RECQL5: variants seen among roughly 807,000 people sequenced by gnomAD.
RECQL5 encodes RecQ like helicase 5, also known as ATP-dependent DNA helicase Q5.
Under a neutral mutation model 103.4 loss-of-function variants are expected in RECQL5, and 88 were observed. The ratio of observed to expected loss-of-function variants is 0.85; its 90% CI spans 0.72 to 1.02. RECQL5 has a LOEUF of 1.02. Among genes scored for constraint, RECQL5 ranks in the 50% least tolerant of loss-of-function variants. The pLI, the probability that RECQL5 is intolerant of heterozygous loss-of-function variation, is 0.00. For synonymous variants in RECQL5, 552 were observed against 507.9 expected, an observed-to-expected ratio of 1.09 and a Z score of -1.17; for missense variants, 1,232 against 1,284.3, an observed-to-expected ratio of 0.96 and a Z score of 0.62.
rs1441827635 is a variant in RECQL5 at position 75,627,428 on chromosome 17, C to G, written c.2970G>C (p.Gln990His). The G allele has an allele frequency of 6.2e-7, 1 of 1,613,260 alleles. No individual in the cohort carries two copies. Among genetic ancestry groups the G allele is most frequent in the South Asian group, 1.1e-5 (1 of 91,090 alleles). ...CTGCCCAGCCAGCAGTTGGTCATCT[C>G]TGGGGGCCACACAGGCCATGCCAGT... ...EADWHGLCGP[Q>H]R The change falls in exon 20 of 20, where the codon CAG becomes CAC. Residue 990 changes from glutamine (Q) to histidine (H), a missense_variant. By Grantham distance (24) the Gln-to-His change is conservative (BLOSUM62 0). Transcript: ENST00000317905.
At chr17:75,634,323 G>C (rs1476321334) in intron 8 of RECQL5, 6 of 932,306 alleles carry the variant, frequency 6.4e-6, no homozygotes, top group Non-Finnish European at 7.7e-6. Context: ...GACATGCTGG[G>C]TCGCTTCCCT....
chr17:75,634,365 C>T (rs918773275), intron 8 of RECQL5: 35 of 541,048 alleles, frequency 6.5e-5, no homozygotes, highest in Non-Finnish European at 8.3e-5. Flanking sequence ...CTGCACACAC[C>T]TGCACTCTCC....
intron 8 of RECQL5, among the ~76,000 whole-genome samples, chr17:75,641,560 C>T (rs531439753): frequency 1.6e-4 from 24 of 152,342 alleles, no homozygotes; most frequent in African/African-American, 5.5e-4. Context: ...GTTAACACCA[C>T]GGGACCAGTG....
chr17:75,648,864 T>A (rs2059520740), intron 8 of RECQL5: 1 of 151,664 alleles, frequency 6.6e-6, no homozygotes, highest in South Asian at 2.1e-4. Context: ...TTTTTTTTTT[T>A]GTATTTTTAG....
intron 2 of RECQL5, 95 bp from the exon 3 acceptor site, chr17:75,665,267 G>C: frequency 8.5e-7 from 1 of 1,178,982 alleles, no homozygotes; most frequent in Non-Finnish European, 1.2e-6. Flanking sequence ...GCACCTAGCA[G>C]AGTGTCTGGC....
chr17:75,647,595 A>C, intron 8 of RECQL5: 2 of 1,546,694 alleles, frequency 1.3e-6, no homozygotes, highest in East Asian at 2.4e-5. Context: ...AGATGGCAGC[A>C]GGGGAGGCGA....
intron 8 of RECQL5, among the ~76,000 whole-genome samples, chr17:75,633,002 CG>C (rs1044437538): frequency 6.6e-6 from 1 of 152,256 alleles, no homozygotes; most frequent in Non-Finnish European, 1.5e-5. Flanking sequence ...TGCAACACCC[CG>C]GTAAGGAAGC....
At position 75,629,431 on chromosome 17, in the gene RECQL5, G is replaced by A. The variant is rs766404474; in HGVS notation, c.1992C>T (p.Cys664=). 3 of 1,506,250 alleles carry A rather than the reference G, an allele frequency of 2.0e-6. No homozygotes were observed. The South Asian group carries it at 4.1e-5, about 21-fold the overall frequency. The allele number at this position is 1,506,250 out of a possible 1,614,324, so 93.3% of individuals were successfully genotyped here. Residue 664 remains cysteine (C), a synonymous_variant, in exon 16 of 20, where the codon TGC becomes TGT. Coordinates refer to ENST00000317905, the MANE Select transcript of RECQL5 (RefSeq NM_004259.7). ...RVGAGFPKGS[C]PFQTATELME... ...TCAGTTCCGTGGCCGTCTGGAACGG[G>A]CAGGAGCCTTTGGGGAAACCAGCTC...
At position 75,629,032 on chromosome 17, in the gene RECQL5, G is replaced by A; in HGVS notation, c.2391C>T (p.Pro797=). The change falls in exon 16 of 20, where the codon CCC becomes CCT. Residue 797 remains proline, a synonymous_variant. Transcript: ENST00000317905. ...CTGTGTACTTCTCTGGGGCCATCGGGGGTCCCTGAACCCCCTCACAGGAGG... is the reference window on the plus strand; with the variant it reads ...CTGTGTACTTCTCTGGGGCCATCGGAGGTCCCTGAACCCCCTCACAGGAGG... ...ACPSCEGVQG[P]PMAPEKYTGE... is the part of the protein sequence containing the mutation. 6.3e-7 allele frequency: 1 copy of A among 1,586,440 alleles called. No homozygotes were observed. Among genetic ancestry groups the A allele is most frequent in the Non-Finnish European group, 8.6e-7 (1 of 1,167,412 alleles).
At chr17:75,660,296 G>A (rs371828285) in intron 6 of RECQL5, among the ~76,000 whole-genome samples, 2 of 152,168 alleles carry the variant, frequency 1.3e-5, no homozygotes, top group African/African-American at 4.8e-5. Flanking sequence ...TCTCAAACTC[G>A]TGAACTCAAG....
chr17:75,659,321 A>G (rs1217903653), intron 6 of RECQL5, among the ~76,000 whole-genome samples: 4 of 152,126 alleles, frequency 2.6e-5, no homozygotes, highest in African/African-American at 9.7e-5. Context: ...CGGCCTCCCA[A>G]AGTGCTAGGA....
intron 5 of RECQL5, 123 bp from the exon 6 acceptor site, chr17:75,661,189 T>C: frequency 1.3e-6 from 1 of 745,648 alleles, no homozygotes; most frequent in Non-Finnish European, 2.4e-6. Flanking sequence ...ACTTCCCAGC[T>C]GTCTGACCTT....
At chr17:75,637,293 G>A (rs939173501) in intron 8 of RECQL5, 1 of 152,310 alleles carries the variant, frequency 6.6e-6, no homozygotes, top group Non-Finnish European at 1.5e-5. Context: ...GTCTCTGCTG[G>A]GCTACATTAG....
At chr17:75,665,689 CAAAAAAAA>C (rs1184942786) in intron 2 of RECQL5, among the ~76,000 whole-genome samples, 11 of 63,400 alleles carry the variant, frequency 1.7e-4, no homozygotes, top group Admixed American at 1.2e-3. Flanking sequence ...GACTCTGTTT[CAAAAAAAA>C]AAAAAAAAAA....
chr17:75,639,008 C>A (rs938322897), intron 8 of RECQL5: 3 of 152,306 alleles, frequency 2.0e-5, no homozygotes, highest in Non-Finnish European at 4.4e-5. Flanking sequence ...CCTCAGCAGG[C>A]GGAGGTTCCT....
At chr17:75,631,856 C>T (rs1382415186) in intron 8 of RECQL5, among the ~76,000 whole-genome samples, 188 bp from the exon 9 acceptor site, 3 of 152,244 alleles carry the variant, frequency 2.0e-5, no homozygotes, top group East Asian at 1.9e-4. Flanking sequence ...CAGATGAGGA[C>T]GATAAGGTGA....
Position 75,628,386 on chromosome 17 carries a change from G to A in RECQL5, c.2637C>T (p.Val879=), listed in dbSNP as rs140010427. 7.5e-4 allele frequency: 1,206 copies of A among 1,613,990 alleles called. 7 individuals are homozygous for A. The East Asian group carries it at 0.012, about 16-fold the overall frequency. ...KRPRPSAKPS[V]VAEVKGSVSA... ...AGACGCTGCCCTTGACCTCAGCTACGACGGAGGGCTTGGCTGAGGGGCGTG... is the reference window on the plus strand; with the variant it reads ...AGACGCTGCCCTTGACCTCAGCTACAACGGAGGGCTTGGCTGAGGGGCGTG... Residue 879 remains valine, a synonymous_variant, in exon 18 of 20, where the codon GTC becomes GTT. Coordinates refer to ENST00000317905, the MANE Select transcript of RECQL5 (RefSeq NM_004259.7).
chr17:75,653,438 C>T (rs2059579216), intron 7 of RECQL5, among the ~76,000 whole-genome samples: 1 of 152,206 alleles, frequency 6.6e-6, no homozygotes, highest in South Asian at 2.1e-4. Flanking sequence ...AGAGACCGTT[C>T]CTGGCTTCAC....
chr17:75,650,932 C>A (rs1381997466), intron 8 of RECQL5: 1 of 1,445,688 alleles, frequency 6.9e-7, no homozygotes, highest in Non-Finnish European at 9.0e-7. Flanking sequence ...GCCAGCCATC[C>A]CAGAAGAGGG....
Sources: gnomAD v4.1 joint callset for allele counts (sites outside exome capture counted in the v4.1 genomes callset) on GRCh38, gnomAD v4.1.1 for gene constraint, MANE v1.5 for transcripts, NCBI Gene and HGNC (gene_info 2026-07-23, HGNC 2026-07-21) for gene names.